Variants in CCDC28A observed in about 807,000 individuals in gnomAD.
The protein encoded by CCDC28A is coiled-coil domain-containing protein 28A.
In CCDC28A, 24 loss-of-function variants were observed where a neutral mutation model predicts 22.1. The ratio of observed to expected loss-of-function variants is 1.09; its 90% CI spans 0.79 to 1.53. The LOEUF (loss-of-function observed/expected upper bound fraction) is 1.53, where lower values mean the gene tolerates loss of function less well. CCDC28A is among the 40% of genes most tolerant of loss of function. The pLI, the probability that CCDC28A is intolerant of heterozygous loss-of-function variation, is 0.00. For synonymous variants in CCDC28A, 83 were observed against 74.7 expected (o/e 1.11, Z -0.57); for missense variants, 170 against 210.7 (o/e 0.81, Z 1.20).
chr6:138,776,934 C>A (rs1418848404), intron 2 of CCDC28A, among the ~76,000 whole-genome samples: 1 of 151,608 alleles, frequency 6.6e-6, no homozygotes, highest in Non-Finnish European at 1.5e-5. Context: ...AAAAATTCTA[C>A]CACCTAGAAA....
intron 5 of CCDC28A, among the ~76,000 whole-genome samples, chr6:138,790,424 A>G (rs1775155528): frequency 1.3e-5 from 2 of 152,224 alleles, no homozygotes; most frequent in South Asian, 2.1e-4. Flanking sequence ...TGTTGGGATT[A>G]CAGGCATTAG....
At chr6:138,792,156 A>G (rs1775179375) in intron 5 of CCDC28A, among the ~76,000 whole-genome samples, 1 of 152,204 alleles carries the variant, frequency 6.6e-6, no homozygotes. Context: ...TGTCTTCTCA[A>G]AAGATTTTTT....
chr6:138,778,229 CT>C (rs1188373603), intron 2 of CCDC28A, among the ~76,000 whole-genome samples: 3 of 152,096 alleles, frequency 2.0e-5, no homozygotes, highest in Non-Finnish European at 4.4e-5. Flanking sequence ...TTGAAGATGT[CT>C]TCATTCAACA....
intron 2 of CCDC28A, among the ~76,000 whole-genome samples, chr6:138,776,628 A>G (rs192574460): frequency 1.1e-4 from 17 of 151,940 alleles, no homozygotes; most frequent in African/African-American, 3.6e-4. Flanking sequence ...TTTTTCTCTA[A>G]GCTGAGTGTT....
Position 138,793,112 on chromosome 6 carries a change from A to G in CCDC28A, c.*309A>G. On this transcript the variant is annotated 3_prime_UTR_variant, in exon 6 of 6. Transcript: ENST00000617445. ...TGTGCTGATGTTCTTGACAGGGCGG[A>G]GGGATTTCTCTTTCCTGAGCTCACC... 6.6e-6 allele frequency: 2 copies of G among 303,632 alleles called. No homozygotes were observed. The highest frequency in any genetic ancestry group is 7.1e-5 in the South Asian group (2 of 28,172). The allele number at this position is 303,632 out of a possible 1,614,324, so 18.8% of individuals were successfully genotyped here.
At chr6:138,787,015 G>A (rs908775928) in intron 4 of CCDC28A, among the ~76,000 whole-genome samples, 3 of 152,134 alleles carry the variant, frequency 2.0e-5, no homozygotes, top group Admixed American at 6.5e-5. Flanking sequence ...AAAGAACGCC[G>A]AATTTGAAAC....
chr6:138,775,932 A>G (rs968982987), intron 1 of CCDC28A, 147 bp from the exon 2 acceptor site: 1 of 653,088 alleles, frequency 1.5e-6, no homozygotes, highest in Non-Finnish European at 2.6e-6. Context: ...AGTAGAGTAC[A>G]TTAAACTTAA....
At chr6:138,781,519 C>T (rs528372399) in intron 3 of CCDC28A, among the ~76,000 whole-genome samples, 7 of 152,322 alleles carry the variant, frequency 4.6e-5, no homozygotes, top group African/African-American at 1.4e-4. Flanking sequence ...TACCGCACTT[C>T]TAGGTTCCAT....
chr6:138,783,259 G>A (rs909422823), intron 3 of CCDC28A, among the ~76,000 whole-genome samples: 1 of 145,012 alleles, frequency 6.9e-6, no homozygotes, highest in South Asian at 2.2e-4. Flanking sequence ...ATTTGAAGTC[G>A]TTATTGAACT....
intron 3 of CCDC28A, among the ~76,000 whole-genome samples, chr6:138,784,238 T>C (rs1775060586): frequency 6.6e-6 from 1 of 152,208 alleles, no homozygotes; most frequent in South Asian, 2.1e-4. Flanking sequence ...TCAGTTAAAA[T>C]GGTAGTTGTC....
At chr6:138,784,536 T>G (rs537868851) in intron 3 of CCDC28A, among the ~76,000 whole-genome samples, 2 of 151,514 alleles carry the variant, frequency 1.3e-5, no homozygotes, top group South Asian at 2.1e-4. Flanking sequence ...TTTTAAAAAA[T>G]TTTTTTGTAG....
chr6:138,780,133 T>C, intron 3 of CCDC28A, 148 bp downstream of exon 3: 1 of 596,340 alleles, frequency 1.7e-6, no homozygotes, highest in Non-Finnish European at 2.6e-6. Context: ...CTAGATTTTG[T>C]CTTAGAATAT....
Position 138,779,981 on chromosome 6 carries a change from A to G in CCDC28A, c.318A>G (p.Ala106=). ...ATTTCCACTCTGGAAAACTTCAAGC[A>G]TTTGGTAAGCAATAGATGTTTCTGT... The part of the protein sequence containing the change: ...LNDFHSGKLQ[A]FGNECSIEQM... The change falls in exon 3 of 6, where the codon GCA becomes GCG. Residue 106 remains alanine, a synonymous_variant. Coordinates refer to ENST00000617445, the MANE Select transcript of CCDC28A (RefSeq NM_015439.3). 6.2e-7 allele frequency: 1 copy of G among 1,608,410 alleles called. No individual in the cohort carries two copies. Among genetic ancestry groups the G allele is most frequent in the Non-Finnish European group, 8.5e-7 (1 of 1,177,716 alleles).
chr6:138,785,382 G>A lies in CCDC28A; in HGVS notation c.477+1G>A, dbSNP rs147173471. On this transcript the variant is annotated splice_donor_variant, in intron 4 of 5. Coordinates refer to ENST00000617445, the MANE Select transcript of CCDC28A (RefSeq NM_015439.3). LOFTEE classifies it high-confidence loss of function. ...CAATCTGGATAGGCTTCTGTCAGATGTAAGTGTAATTCTTTTTCTTTGTTC... is the reference window on the plus strand; with the variant it reads ...CAATCTGGATAGGCTTCTGTCAGATATAAGTGTAATTCTTTTTCTTTGTTC... 45 of 1,590,860 alleles carry A rather than the reference G, an allele frequency of 2.8e-5. No homozygotes were observed. Among genetic ancestry groups the A allele is most frequent in the Admixed American group, 3.8e-5 (2 of 52,766 alleles).
At chr6:138,780,861 C>T (rs1317155235) in intron 3 of CCDC28A, among the ~76,000 whole-genome samples, 3 of 152,118 alleles carry the variant, frequency 2.0e-5, no homozygotes, top group African/African-American at 4.8e-5. Context: ...CGTGAGCCAC[C>T]GCGCCTGGCC....
chr6:138,790,993 C>CTGTTCA (rs1775161513), intron 5 of CCDC28A, among the ~76,000 whole-genome samples: 3 of 152,106 alleles, frequency 2.0e-5, no homozygotes, highest in Non-Finnish European at 4.4e-5. Context: ...ATATAGTAGC[C>CTGTTCA]ACTAAGCCAT....
chr6:138,774,214 A>G (rs953054687), intron 1 of CCDC28A, among the ~76,000 whole-genome samples: 1 of 152,212 alleles, frequency 6.6e-6, no homozygotes, highest in East Asian at 1.9e-4. Flanking sequence ...AAACGAGGAA[A>G]TCGCGAGTGC....
chr6:138,792,899 GAATTAAAGT>G lies in CCDC28A; in HGVS notation c.*106_*114del. 1.3e-6 allele frequency: 1 copy of G among 776,420 alleles called. No individual in the cohort carries two copies. The highest frequency in any genetic ancestry group is 2.2e-6 in the Non-Finnish European group (1 of 462,454). The allele number at this position is 776,420 out of a possible 1,614,324, so 48.1% of individuals were successfully genotyped here. ...TAGCAGAATCATCTTCCACAACAAG[GAATTAAAGT>G]AATTAAAGTGCAAGTTCAATGATCG... is the stretch of plus-strand genomic sequence containing the variant. On this transcript the variant is annotated 3_prime_UTR_variant, in exon 6 of 6. Transcript: ENST00000617445.
chr6:138,793,267 ATAAG>A lies in CCDC28A; in HGVS notation c.*467_*470del, dbSNP rs1246359812. On this transcript the variant is annotated 3_prime_UTR_variant, in exon 6 of 6. Coordinates refer to ENST00000617445, the MANE Select transcript of CCDC28A (RefSeq NM_015439.3). ...CCAATGGCCAGTGATAAGAAATTAA[ATAAG>A]TATTTGTGAGATTTGCTATTTTTTA... is the stretch of plus-strand genomic sequence containing the variant. The A allele has an allele frequency of 6.5e-6, 1 of 154,400 alleles. No homozygotes were observed. Among genetic ancestry groups the A allele is most frequent in the Non-Finnish European group, 1.4e-5 (1 of 69,286 alleles). The allele number at this position is 154,400 out of a possible 1,614,324, so 9.6% of individuals were successfully genotyped here. A position where few individuals can be genotyped will look rare whatever the true frequency, so the allele number is the denominator to read the frequency against.
Sources: allele counts gnomAD v4.1 joint callset (sites outside exome capture counted in the v4.1 genomes callset), GRCh38; gene constraint gnomAD v4.1.1; transcripts MANE v1.5; gene names NCBI Gene and HGNC (gene_info 2026-07-23, HGNC 2026-07-21).